PIK3C2G: variants seen among roughly 807,000 people sequenced by gnomAD.
The protein encoded by PIK3C2G is phosphatidylinositol 3-kinase C2 domain-containing subunit gamma.
PIK3C2G carries 168 observed loss-of-function variants against 181.1 expected under a neutral mutation model. The observed-to-expected ratio is 0.93, with a 90% CI of 0.82 to 1.05. The LOEUF (loss-of-function observed/expected upper bound fraction) is 1.05, where lower values mean the gene tolerates loss of function less well. Ranked by LOEUF, PIK3C2G falls within the 50% of genes least tolerant of loss-of-function variation. The pLI is 0.00. For missense variants in PIK3C2G, 1,869 were observed against 1,732.8 expected, an observed-to-expected ratio of 1.08 and a Z score of -1.40; for synonymous variants, 573 against 592.2, an observed-to-expected ratio of 0.97 and a Z score of 0.47.
chr12:18,352,400 C>T (rs935475989), intron 11 of PIK3C2G, among the ~76,000 whole-genome samples: 1 of 152,148 alleles, frequency 6.6e-6, no homozygotes, highest in African/African-American at 2.4e-5. Flanking sequence ...AGCTCTCAAC[C>T]CCTCATGGGA....
chr12:18,365,244 C>T (rs1941559036), intron 12 of PIK3C2G, among the ~76,000 whole-genome samples: 1 of 152,104 alleles, frequency 6.6e-6, no homozygotes, highest in Admixed American at 6.6e-5. Context: ...TATTTACATC[C>T]CATGAATAGT....
intron 24 of PIK3C2G, among the ~76,000 whole-genome samples, chr12:18,513,066 C>T (rs963615840): frequency 2.6e-5 from 4 of 151,658 alleles, no homozygotes; most frequent in African/African-American, 9.7e-5. Context: ...TTATTTTTAT[C>T]CTTCATTTTG....
the PIK3C2G span, chr12:18,684,173 T>A: frequency 6.2e-7 from 1 of 1,612,066 alleles, no homozygotes; most frequent in Admixed American, 1.7e-5. Flanking sequence ...GCCCAAGAAA[T>A]TCATTTCCTG....
chr12:18,515,522 ATAG>A (rs1942482802), intron 24 of PIK3C2G, among the ~76,000 whole-genome samples: 1 of 151,976 alleles, frequency 6.6e-6, no homozygotes, highest in African/African-American at 2.4e-5. Flanking sequence ...ATTGCCCATA[ATAG>A]TCTCTTCTGA....
At position 18,427,118 on chromosome 12, in the gene PIK3C2G, C is replaced by T. The variant is rs556872253; in HGVS notation, c.2504+3079C>T. ...GTTTTTTGCATGCATTATTAAAATG[C>T]ACACATATTAAAAAAGTAACATAGC... is the stretch of plus-strand genomic sequence containing the variant. On this transcript the variant is annotated intron_variant, in intron 18 of 32. Coordinates refer to ENST00000538779, the MANE Select transcript of PIK3C2G (RefSeq NM_001288772.2). 2.6e-5 allele frequency among the ~76,000 whole-genome samples: 4 copies of T among 152,056 alleles called. No individual in the cohort carries two copies. In the South Asian group the frequency reaches 8.3e-4, roughly 32 times the overall value.
intron 7 of PIK3C2G, among the ~76,000 whole-genome samples, chr12:18,321,995 T>G (rs1951133046): frequency 6.6e-6 from 1 of 152,132 alleles, no homozygotes; most frequent in Non-Finnish European, 1.5e-5. Context: ...GCTCAATACC[T>G]AGGTGATGGG....
At chr12:18,520,029 A>G (rs1592475780) in intron 24 of PIK3C2G, among the ~76,000 whole-genome samples, 1 of 150,498 alleles carries the variant, frequency 6.6e-6, no homozygotes, top group African/African-American at 2.4e-5. Flanking sequence ...AAAAAAAAGA[A>G]TGTTGAATAT....
At chr12:18,299,858 C>A (rs977203368) in intron 5 of PIK3C2G, among the ~76,000 whole-genome samples, 1 of 151,838 alleles carries the variant, frequency 6.6e-6, no homozygotes, top group Non-Finnish European at 1.5e-5. Flanking sequence ...TATGTTGGAC[C>A]ATCTTTGCAT....
intron 22 of PIK3C2G, among the ~76,000 whole-genome samples, chr12:18,500,933 G>T (rs183875877): frequency 6.6e-6 from 1 of 151,504 alleles, no homozygotes; most frequent in African/African-American, 2.4e-5. Flanking sequence ...CGAACCCACC[G>T]GGAGGAACGA....
At chr12:18,563,268 G>A (rs1259813059) in intron 27 of PIK3C2G, 109 bp from the exon 28 acceptor site, 11 of 960,478 alleles carry the variant, frequency 1.1e-5, no homozygotes, top group Non-Finnish European at 3.0e-6. Flanking sequence ...TTATGATAAT[G>A]TTTTGCAGAA....
At chr12:18,575,095 C>A (rs939207378) in intron 29 of PIK3C2G, among the ~76,000 whole-genome samples, 3 of 152,050 alleles carry the variant, frequency 2.0e-5, no homozygotes, top group Non-Finnish European at 2.9e-5. Flanking sequence ...TCATAGGGGT[C>A]CTAAGCACTG....
At chr12:18,667,347 C>T in the PIK3C2G span, among the ~76,000 whole-genome samples, 6 of 152,112 alleles carry the variant, frequency 3.9e-5, 1 homozygote, top group South Asian at 2.1e-4. Context: ...CAGTCATCAA[C>T]TTTTAACTGT....
chr12:18,660,274 G>C, the PIK3C2G span, among the ~76,000 whole-genome samples: 1 of 152,112 alleles, frequency 6.6e-6, no homozygotes, highest in Non-Finnish European at 1.5e-5. Flanking sequence ...ACCAGCAGGA[G>C]CCATAAGGAT....
intron 6 of PIK3C2G, among the ~76,000 whole-genome samples, chr12:18,319,284 CA>C (rs1247864816): frequency 3.9e-5 from 6 of 151,962 alleles, no homozygotes; most frequent in Non-Finnish European, 8.8e-5. Context: ...TCTTATAGCT[CA>C]GGGGAACATT....
chr12:18,620,564 A>AGATAGATAGATG (rs1948815281), intron 31 of PIK3C2G, among the ~76,000 whole-genome samples: 1 of 152,020 alleles, frequency 6.6e-6, no homozygotes, highest in African/African-American at 2.4e-5. Context: ...ATAGATAGAT[A>AGATAGATAGATG]GATAGGTAAC....
chr12:18,653,327 T>C (rs1433887246), downstream of PIK3C2G, among the ~76,000 whole-genome samples: 2 of 152,166 alleles, frequency 1.3e-5, no homozygotes. Flanking sequence ...AAAGTAATTT[T>C]TCAGCAACTT....
At chr12:18,384,768 C>T (rs543026484) in intron 14 of PIK3C2G, among the ~76,000 whole-genome samples, 67 of 152,264 alleles carry the variant, frequency 4.4e-4, no homozygotes, top group Non-Finnish European at 8.7e-4. Flanking sequence ...TAGAATTCAT[C>T]TTAGAAATAA....
intron 29 of PIK3C2G, among the ~76,000 whole-genome samples, chr12:18,593,065 A>G (rs867632930): frequency 1.1e-4 from 17 of 151,868 alleles, no homozygotes; most frequent in African/African-American, 4.1e-4. Context: ...GTAGATGGTC[A>G]TCTTCTTCCT....
At chr12:18,682,135 T>G in the PIK3C2G span, among the ~76,000 whole-genome samples, 6 of 152,082 alleles carry the variant, frequency 3.9e-5, no homozygotes, top group Non-Finnish European at 7.4e-5. Context: ...AACTGGAAGA[T>G]TGTGCACTTA....
Sources: allele counts gnomAD v4.1 joint callset (sites outside exome capture counted in the v4.1 genomes callset), GRCh38; gene constraint gnomAD v4.1.1; transcripts MANE v1.5; gene names NCBI Gene and HGNC (gene_info 2026-07-23, HGNC 2026-07-21).